The following KCNH1 variants were observed in gnomAD, a reference collection of about 807,000 sequenced individuals.
KCNH1 encodes the protein potassium voltage-gated channel subfamily H member 1.
KCNH1 carries 27 observed loss-of-function variants against 69.2 expected under a neutral mutation model. The observed-to-expected ratio is 0.39, with a 90% confidence interval of 0.29 to 0.54. The LOEUF is 0.54. KCNH1 is among the 20% of genes least tolerant of loss of function. KCNH1 has a pLI of 0.68. For synonymous variants in KCNH1, 456 were observed against 487.7 expected (o/e 0.93, Z 0.86); for missense variants, 798 against 1,261.6 (o/e 0.63, Z 5.57).
At chr1:210,846,843 C>T (rs1405673257) in intron 7 of KCNH1, among the ~76,000 whole-genome samples, 1 of 152,086 alleles carries the variant, frequency 6.6e-6, no homozygotes, top group Non-Finnish European at 1.5e-5. Context: ...TGACAAAGGG[C>T]TAATATCCAG....
intron 3 of KCNH1, among the ~76,000 whole-genome samples, chr1:211,102,464 A>G (rs926824434): frequency 6.6e-6 from 1 of 152,168 alleles, no homozygotes. Context: ...CTGCTGGCAG[A>G]GGGAGTGAAC....
At chr1:211,127,315 T>C (rs905262366) in intron 1 of KCNH1, among the ~76,000 whole-genome samples, 1 of 152,046 alleles carries the variant, frequency 6.6e-6, no homozygotes, top group Non-Finnish European at 1.5e-5. Context: ...ATATAAATCA[T>C]TCACTTCCTA....
intron 10 of KCNH1, among the ~76,000 whole-genome samples, chr1:210,720,406 T>TATC (rs749940931): frequency 6.6e-6 from 1 of 152,220 alleles, no homozygotes; most frequent in Non-Finnish European, 1.5e-5. Flanking sequence ...TTTCTTATTT[T>TATC]ATCTCCTTCT....
chr1:210,695,547 G>A (rs1681620249), intron 10 of KCNH1, among the ~76,000 whole-genome samples: 1 of 151,962 alleles, frequency 6.6e-6, no homozygotes, highest in Non-Finnish European at 1.5e-5. Context: ...TACTCCCATT[G>A]TCCCTCCTTC....
chr1:210,735,827 A>G (rs1402157296), intron 10 of KCNH1, among the ~76,000 whole-genome samples: 1 of 151,780 alleles, frequency 6.6e-6, no homozygotes, highest in Non-Finnish European at 1.5e-5. Flanking sequence ...ACACAGAGAG[A>G]GAGAGAGAGA....
chr1:210,743,958 G>A lies in KCNH1; in HGVS notation c.2112+31390C>T, dbSNP rs143707295. Among the ~76,000 whole-genome samples the A allele has an allele frequency of 2.6e-5, 4 of 152,180 alleles. No homozygotes were observed. The South Asian group carries it at 8.3e-4, about 32-fold the overall frequency. ...GCTGGGGGCTTCTACTGTCCATTGA[G>A]GTGGGTGGTTTACAGCTTCTCATGG... On this transcript the variant is annotated intron_variant, in intron 10 of 10. Transcript: ENST00000271751.
intron 6 of KCNH1, among the ~76,000 whole-genome samples, chr1:210,953,359 C>T (rs1501557): frequency 0.3 from 45,505 of 152,072 alleles, 8,088 homozygotes; most frequent in East Asian, 0.46. Flanking sequence ...TCAGCACCCA[C>T]GTGGGCTGTT....
chr1:211,049,825 T>C, intron 5 of KCNH1, among the ~76,000 whole-genome samples: 1 of 152,294 alleles, frequency 6.6e-6, no homozygotes, highest in Middle Eastern at 3.4e-3. Context: ...CAATCCACTA[T>C]GGCCAGAATG....
At chr1:210,785,196 G>A (rs1306122308) in intron 9 of KCNH1, among the ~76,000 whole-genome samples, 1 of 152,146 alleles carries the variant, frequency 6.6e-6, no homozygotes, top group Admixed American at 6.6e-5. Flanking sequence ...ATTTCATAGA[G>A]AAGATGAGAA....
intron 7 of KCNH1, among the ~76,000 whole-genome samples, chr1:210,893,186 T>C (rs770946720): frequency 2.0e-5 from 3 of 152,200 alleles, no homozygotes; most frequent in Non-Finnish European, 4.4e-5. Flanking sequence ...ACATTTTTTA[T>C]AGTGCTGGTG....
chr1:210,920,049 G>A lies in KCNH1; in HGVS notation c.1053C>T (p.Ser351=). ...RESQGISSLF[S]SLKVVRLLRL... The stretch of plus-strand genomic sequence containing the variant: ...GGAGCAGCCGGACAACTTTTAGAGA[G>A]CTGAACAGGCTGCTGATGCCCTGGG... The change falls in exon 7 of 11, where the codon AGC becomes AGT. Residue 351 remains serine, a synonymous_variant. Transcript: ENST00000271751. 6.2e-7 allele frequency: 1 copy of A among 1,613,032 alleles called. No homozygotes were observed. The highest frequency in any genetic ancestry group is 8.5e-7 in the Non-Finnish European group (1 of 1,179,240).
At chr1:210,980,014 C>T (rs1688681389) in intron 6 of KCNH1, among the ~76,000 whole-genome samples, 1 of 152,182 alleles carries the variant, frequency 6.6e-6, no homozygotes, top group Non-Finnish European at 1.5e-5. Context: ...ACATTTGTAA[C>T]TTGGCAACAT....
intron 1 of KCNH1, among the ~76,000 whole-genome samples, chr1:211,111,201 C>CA (rs1691454026): frequency 2.0e-5 from 3 of 152,166 alleles, no homozygotes; most frequent in Non-Finnish European, 2.9e-5. Context: ...GTTCTGATAA[C>CA]CTTTTAAAGT....
At chr1:211,061,375 T>C (rs1206095379) in intron 5 of KCNH1, among the ~76,000 whole-genome samples, 2 of 151,986 alleles carry the variant, frequency 1.3e-5, no homozygotes, top group Non-Finnish European at 2.9e-5. Flanking sequence ...GGGGAAAAAC[T>C]GAAAGCCTTT....
At chr1:211,000,105 G>C (rs559321457) in intron 6 of KCNH1, among the ~76,000 whole-genome samples, 2 of 152,278 alleles carry the variant, frequency 1.3e-5, no homozygotes, top group Non-Finnish European at 2.9e-5. Context: ...ACTGGCACAA[G>C]ACAGGGATGT....
rs138122057 is a variant in KCNH1, at chr1:211,089,985, T to C, written c.439+577A>G. ...ATGCAAACAATACATGCATATGATATGGCTGAGGCGAGTGCTAAAATCTGT... is the reference window on the plus strand; with the variant it reads ...ATGCAAACAATACATGCATATGATACGGCTGAGGCGAGTGCTAAAATCTGT... On this transcript the variant is annotated intron_variant, in intron 4 of 10. Transcript: ENST00000271751. Among the ~76,000 whole-genome samples the C allele has an allele frequency of 6.5e-3, 997 of 152,358 alleles. 6 individuals carry two copies. The highest frequency in any genetic ancestry group is 0.023 in the African/African-American group (949 of 41,574).
chr1:211,017,449 C>T (rs900766026), intron 6 of KCNH1, among the ~76,000 whole-genome samples: 3 of 152,124 alleles, frequency 2.0e-5, no homozygotes, highest in Non-Finnish European at 2.9e-5. Context: ...ACCCACACAA[C>T]CCAGCTAGAC....
At chr1:210,821,341 G>A (rs76262200) in intron 7 of KCNH1, among the ~76,000 whole-genome samples, 1 of 152,096 alleles carries the variant, frequency 6.6e-6, no homozygotes, top group Non-Finnish European at 1.5e-5. Flanking sequence ...CTTTCAGTTG[G>A]TATATTAATA....
intron 10 of KCNH1, among the ~76,000 whole-genome samples, chr1:210,702,321 C>G (rs915704939): frequency 5.3e-5 from 8 of 152,124 alleles, no homozygotes; most frequent in African/African-American, 1.9e-4. Flanking sequence ...TTTCTCCCCT[C>G]CATTTTCTGT....
Sources: allele counts gnomAD v4.1 joint callset (sites outside exome capture counted in the v4.1 genomes callset), GRCh38; gene constraint gnomAD v4.1.1; transcripts MANE v1.5; gene names NCBI Gene and HGNC (gene_info 2026-07-23, HGNC 2026-07-21).